Variants in PICALM observed in about 807,000 individuals in gnomAD.
The protein encoded by PICALM is phosphatidylinositol-binding clathrin assembly protein.
PICALM carries 40 observed loss-of-function variants against 80.5 expected under a neutral mutation model. The observed-to-expected ratio is 0.50, with a 90% CI of 0.39 to 0.65. The LOEUF (loss-of-function observed/expected upper bound fraction) is 0.65, where lower values mean the gene tolerates loss of function less well. Ranked by LOEUF, PICALM falls within the 30% of genes least tolerant of loss-of-function variation. The pLI is 0.00. For missense variants in PICALM, 676 were observed against 778.9 expected (o/e 0.87, Z 1.57); for synonymous variants, 288 against 260.3 (o/e 1.11, Z -1.02).
chr11:86,042,461 T>C (rs998956940), intron 1 of PICALM, among the ~76,000 whole-genome samples: 1 of 151,792 alleles, frequency 6.6e-6, no homozygotes, highest in Admixed American at 6.6e-5. Context: ...CATGAAAAAA[T>C]AACATATTCA....
rs555977763 is a variant in PICALM at position 86,033,550 on chromosome 11, A to G, written c.131-1939T>C. On this transcript the variant is annotated intron_variant, in intron 1 of 19. Transcript: ENST00000393346. ...TTGCTAAAGTGTCACCATATTAGAT[A>G]AACTTCCCTGAATATTTACGCAAAA... is the stretch of plus-strand genomic sequence containing the variant. 2.6e-5 allele frequency among the ~76,000 whole-genome samples: 4 copies of G among 152,278 alleles called. No homozygotes were observed. The South Asian group carries it at 8.3e-4, about 32-fold the overall frequency.
intron 1 of PICALM, among the ~76,000 whole-genome samples, chr11:86,039,820 G>A (rs531431683): frequency 4.0e-5 from 6 of 149,834 alleles, no homozygotes; most frequent in East Asian, 2.3e-4. Context: ...TGGCTAACAC[G>A]GTGAAATCCC....
intron 17 of PICALM, among the ~76,000 whole-genome samples, chr11:85,979,820 T>A (rs140840762): frequency 1.1e-3 from 169 of 152,346 alleles, no homozygotes; most frequent in African/African-American, 3.3e-3. Context: ...ACACAGCTAC[T>A]AGCCTACTGT....
At chr11:86,011,157 A>G in intron 6 of PICALM, 21 bp from the exon 7 acceptor site, 1 of 1,091,732 alleles carries the variant, frequency 9.2e-7, no homozygotes. Flanking sequence ...AAATGTAAAA[A>G]TTCTTTTGTT....
At chr11:86,038,199 A>G (rs974963453) in intron 1 of PICALM, among the ~76,000 whole-genome samples, 1 of 152,118 alleles carries the variant, frequency 6.6e-6, no homozygotes, top group Non-Finnish European at 1.5e-5. Context: ...ACATGCTTGT[A>G]ATCCCAGCTA....
chr11:86,014,099 C>T (rs2095442237), intron 5 of PICALM, among the ~76,000 whole-genome samples: 1 of 152,190 alleles, frequency 6.6e-6, no homozygotes. Context: ...TGAACACTTA[C>T]TATGTGCCAC....
chr11:86,069,222 A>C, upstream of PICALM: 1 of 181,772 alleles, frequency 5.5e-6, no homozygotes, highest in Non-Finnish European at 1.2e-5. Context: ...GCGAGGGAAG[A>C]GCTGGGCGGC....
At chr11:86,032,751 G>C (rs141736474) in intron 1 of PICALM, among the ~76,000 whole-genome samples, 1 of 152,016 alleles carries the variant, frequency 6.6e-6, no homozygotes, top group Non-Finnish European at 1.5e-5. Flanking sequence ...CTACAATAAA[G>C]GGAAAAAAGT....
Position 85,957,466 on chromosome 11 carries a change from T to A in PICALM, c.*1580A>T, listed in dbSNP as rs1565172708. Among the ~76,000 whole-genome samples the A allele has an allele frequency of 6.6e-6, 1 of 152,196 alleles. No homozygotes were observed. The highest frequency in any genetic ancestry group is 1.5e-5 in the Non-Finnish European group (1 of 68,032). On this transcript the variant is annotated 3_prime_UTR_variant, in exon 20 of 20. Coordinates refer to ENST00000393346, the MANE Select transcript of PICALM (RefSeq NM_007166.4). ...ATCAAAAGACAAAAAGTGAACAATT[T>A]TAATAAGTAGTTGCATTTATCAATA...
intron 14 of PICALM, among the ~76,000 whole-genome samples, chr11:85,983,153 T>C (rs1036965889): frequency 3.3e-5 from 5 of 152,232 alleles, no homozygotes; most frequent in African/African-American, 7.2e-5. Context: ...TTATATGTTA[T>C]AAAATTAAGA....
intron 19 of PICALM, among the ~76,000 whole-genome samples, chr11:85,973,714 G>A (rs2094183174): frequency 6.6e-6 from 1 of 152,148 alleles, no homozygotes; most frequent in South Asian, 2.1e-4. Context: ...TATTGGCAAT[G>A]TAAGACTATA....
chr11:86,048,168 C>A (rs2096110617), intron 1 of PICALM, among the ~76,000 whole-genome samples: 1 of 152,180 alleles, frequency 6.6e-6, no homozygotes, highest in Non-Finnish European at 1.5e-5. Context: ...CACCTTCATG[C>A]AGTCAAGGAG....
intron 1 of PICALM, among the ~76,000 whole-genome samples, chr11:86,062,329 C>T (rs539434258): frequency 7.5e-4 from 114 of 152,162 alleles, no homozygotes; most frequent in Admixed American, 2.7e-3. Context: ...CCAGCCTGGC[C>T]AACATGGTGA....
chr11:86,062,696 T>C (rs1435813460), intron 1 of PICALM, among the ~76,000 whole-genome samples: 2 of 152,138 alleles, frequency 1.3e-5, no homozygotes, highest in African/African-American at 4.8e-5. Flanking sequence ...ACTCTGAACA[T>C]AATTTTTAAT....
intron 14 of PICALM, chr11:85,982,231 C>A (rs564322203): frequency 4.3e-6 from 2 of 460,142 alleles, no homozygotes; most frequent in African/African-American, 2.0e-5. Context: ...TATCTCATGA[C>A]AAAATTACAT....
At chr11:86,003,509 T>A in intron 8 of PICALM, 58 bp from the exon 9 acceptor site, 1 of 1,043,034 alleles carries the variant, frequency 9.6e-7, no homozygotes, top group South Asian at 1.6e-5. Flanking sequence ...TCAAATTAAA[T>A]CAAGTATCAT....
intron 11 of PICALM, among the ~76,000 whole-genome samples, chr11:85,997,782 T>C (rs1339682914): frequency 6.6e-6 from 1 of 151,766 alleles, no homozygotes; most frequent in Non-Finnish European, 1.5e-5. Flanking sequence ...CTTTTTTTGT[T>C]GTTGTTTTGC....
chr11:85,983,635 T>A (rs1349470475), intron 14 of PICALM, among the ~76,000 whole-genome samples: 1 of 152,160 alleles, frequency 6.6e-6, no homozygotes, highest in Non-Finnish European at 1.5e-5. Context: ...TTTTCTCTCT[T>A]ATTTTGCTCT....
intron 1 of PICALM, among the ~76,000 whole-genome samples, chr11:86,059,433 G>A (rs2096321531): frequency 6.6e-6 from 1 of 152,220 alleles, no homozygotes; most frequent in African/African-American, 2.4e-5. Context: ...GACAGGACCA[G>A]GGGGAGTTAT....
Sources: allele counts gnomAD v4.1 joint callset (sites outside exome capture counted in the v4.1 genomes callset), GRCh38; gene constraint gnomAD v4.1.1; transcripts MANE v1.5; gene names NCBI Gene and HGNC (gene_info 2026-07-23, HGNC 2026-07-21).